GATA6: variants seen among roughly 807,000 people sequenced by gnomAD.
GATA6 encodes GATA binding protein 6.
GATA6 carries 11 observed loss-of-function variants against 48.1 expected under a neutral mutation model. The ratio of observed to expected loss-of-function variants is 0.23; its 90% CI spans 0.14 to 0.38. The LOEUF (loss-of-function observed/expected upper bound fraction) is 0.38, where lower values mean the gene tolerates loss of function less well. GATA6 is among the 10% of genes least tolerant of loss of function. The pLI, the probability that GATA6 is intolerant of heterozygous loss-of-function variation, is 1.00. For synonymous variants in GATA6, 419 were observed against 396.1 expected (o/e 1.06, Z -0.69); for missense variants, 795 against 850.3 (o/e 0.93, Z 0.81).
chr18:22,174,567 T>C (rs1175317351), intron 2 of GATA6, among the ~76,000 whole-genome samples: 1 of 152,114 alleles, frequency 6.6e-6, no homozygotes, highest in African/African-American at 2.4e-5. Context: ...GGGAAGGGAT[T>C]TGGGAACACC....
At chr18:22,198,508 C>A (rs574969523) in intron 6 of GATA6, among the ~76,000 whole-genome samples, 1 of 152,260 alleles carries the variant, frequency 6.6e-6, no homozygotes, top group African/African-American at 2.4e-5. Flanking sequence ...ACACTTGTTG[C>A]GGTGAAGTCA....
intron 6 of GATA6, among the ~76,000 whole-genome samples, chr18:22,186,965 T>C (rs2033269445): frequency 6.6e-6 from 1 of 152,236 alleles, no homozygotes; most frequent in Non-Finnish European, 1.5e-5. Context: ...AGTGTGTTTC[T>C]GTCTGAAATC....
At chr18:22,199,669 C>A (rs1209830516) in intron 6 of GATA6, among the ~76,000 whole-genome samples, 1 of 152,006 alleles carries the variant, frequency 6.6e-6, no homozygotes, top group Non-Finnish European at 1.5e-5. Flanking sequence ...CTGGGAGGCC[C>A]AGGCAAGCAG....
intron 3 of GATA6, among the ~76,000 whole-genome samples, chr18:22,180,786 A>C (rs1348510088): frequency 6.6e-6 from 1 of 151,906 alleles, no homozygotes; most frequent in African/African-American, 2.4e-5. Context: ...TTACTCCTTT[A>C]CATATATCTG....
chr18:22,175,911 C>T (rs75527379), intron 2 of GATA6, among the ~76,000 whole-genome samples: 3,576 of 152,222 alleles, frequency 0.023, 62 homozygotes, highest in Non-Finnish European at 0.035. Flanking sequence ...ATCTAAAGAA[C>T]CTTAAATGGC....
intron 3 of GATA6, among the ~76,000 whole-genome samples, chr18:22,177,732 AC>A (rs2143291389): frequency 6.6e-6 from 1 of 152,208 alleles, no homozygotes; most frequent in South Asian, 2.1e-4. Context: ...GGTGCCGTTT[AC>A]TTTGTCCTTT....
In GATA6 at chr18:22,171,479, T is replaced by G; in HGVS notation, c.335T>G (p.Leu112Trp). The change falls in exon 2 of 7, where the codon TTG becomes TGG. Residue 112 changes from leucine (L) to tryptophan (W), a missense_variant. Around this residue, in one of 5 missense-constraint regions of GATA6, gnomAD observed 591 missense variants for 570.0 expected, o/e 1.04. Coordinates refer to ENST00000269216, the MANE Select transcript of GATA6 (RefSeq NM_005257.6). The surrounding 1 kb of genome is among the most constrained non-coding windows in gnomAD (Gnocchi z 7.1). Reference sequence around the variant, plus strand: ...GGCAACCTGTCGAGCTGGGAGGACTTGCTGCTGTTCACTGACCTCGACCAA... The same window carrying G: ...GGCAACCTGTCGAGCTGGGAGGACTGGCTGCTGTTCACTGACCTCGACCAA... ...PGGNLSSWED[L>W]LLFTDLDQAA... 3.1e-6 allele frequency: 5 copies of G among 1,601,112 alleles called. No individual in the cohort carries two copies. Among genetic ancestry groups the G allele is most frequent in the Non-Finnish European group, 3.4e-6 (4 of 1,179,518 alleles).
At chr18:22,188,452 G>A (rs552447099) in intron 6 of GATA6, among the ~76,000 whole-genome samples, 20 of 152,316 alleles carry the variant, frequency 1.3e-4, no homozygotes, top group African/African-American at 4.6e-4. Flanking sequence ...AGGTATCCAG[G>A]AAAGAAGAAG....
chr18:22,177,083 G>T lies in GATA6; in HGVS notation c.1264G>T (p.Gly422Cys). The change falls in exon 3 of 7, where the codon GGC becomes TGC. Residue 422 changes from glycine to cysteine, a missense_variant. This residue lies in a region of GATA6 where 76 missense variants were observed against 113.1 expected (regional missense o/e 0.67). Transcript: ENST00000269216. ...NACGLYSKMN[G>C]LSRPLIKPQK... ...CTGCGGGCTCTACAGCAAGATGAAC[G>T]GCCTCAGCCGGCCCCTCATCAAGCC... 6.4e-7 allele frequency: 1 copy of T among 1,559,072 alleles called. No homozygotes were observed. Among genetic ancestry groups the T allele is most frequent in the Non-Finnish European group, 8.7e-7 (1 of 1,153,836 alleles).
intron 6 of GATA6, among the ~76,000 whole-genome samples, chr18:22,186,203 A>G (rs1348481400): frequency 6.6e-6 from 1 of 152,134 alleles, no homozygotes; most frequent in African/African-American, 2.4e-5. Context: ...GACTGGTAGA[A>G]ATTAGTAGTG....
chr18:22,196,194 C>T (rs2143334584), intron 6 of GATA6, among the ~76,000 whole-genome samples: 1 of 152,166 alleles, frequency 6.6e-6, no homozygotes, highest in African/African-American at 2.4e-5. Context: ...AAATACTTGC[C>T]CCATTTTTTT....
chr18:22,197,213 G>T (rs1408438406), intron 6 of GATA6, among the ~76,000 whole-genome samples: 1 of 151,492 alleles, frequency 6.6e-6, no homozygotes, highest in African/African-American at 2.4e-5. Context: ...CACCTTGCTC[G>T]GCTAATTTTT....
At chr18:22,194,175 G>T (rs961850896) in intron 6 of GATA6, among the ~76,000 whole-genome samples, 2 of 152,148 alleles carry the variant, frequency 1.3e-5, no homozygotes, top group African/African-American at 2.4e-5. Flanking sequence ...AGCTCTCCCT[G>T]AAGTCATTTA....
intron 2 of GATA6, chr18:22,175,526 A>T (rs1263844837): frequency 6.6e-6 from 1 of 152,212 alleles, no homozygotes; most frequent in Non-Finnish European, 1.5e-5. Flanking sequence ...CGTAGTCAAT[A>T]GTGGCTTTTA....
intron 6 of GATA6, 23 bp from the exon 7 acceptor site, chr18:22,200,631 CCT>C (rs748939410): frequency 4.3e-6 from 7 of 1,614,092 alleles, no homozygotes; most frequent in Non-Finnish European, 5.9e-6. Context: ...TCTCGTCTCT[CCT>C]CTGTGTCCCC....
At position 22,185,263 on chromosome 18, in the gene GATA6, G is replaced by A. The variant is rs1039224323; in HGVS notation, c.1620+2220G>A. On this transcript the variant is annotated intron_variant, in intron 6 of 6. Coordinates refer to ENST00000269216, the MANE Select transcript of GATA6 (RefSeq NM_005257.6). This position sits in a 1 kb window ranked among gnomAD's most constrained non-coding sequence, Gnocchi z 4.3. ...AGATGGAGGTGGCTTGCTGGTCAAT[G>A]CCCTTCAGAGGAAAGATCAGTTCCC... is the stretch of plus-strand genomic sequence containing the variant. Among the ~76,000 whole-genome samples, 2 of 152,202 alleles carry A rather than the reference G, an allele frequency of 1.3e-5. No homozygotes were observed. The highest frequency in any genetic ancestry group is 4.8e-5 in the African/African-American group (2 of 41,454).
intron 3 of GATA6, among the ~76,000 whole-genome samples, chr18:22,180,373 C>T (rs2033177516): frequency 6.6e-6 from 1 of 152,164 alleles, no homozygotes; most frequent in Non-Finnish European, 1.5e-5. Flanking sequence ...ATGTAGTAAT[C>T]TAGAGGTAAT....
rs1237721986 is a variant in GATA6, at chr18:22,202,214, G to T, written c.*1391G>T. 6.6e-6 allele frequency: 1 copy of T among 152,122 alleles called. No homozygotes were observed. Among genetic ancestry groups the T allele is most frequent in the Non-Finnish European group, 1.5e-5 (1 of 68,026 alleles). 9.4% of individuals were successfully genotyped at this position (152,122 alleles called of 1,614,324 possible). ...GGGGACAGTTTTTATAAGTGGGAAGGACTCAGTATTATTATATTTGAGATG... is the reference window on the plus strand; with the variant it reads ...GGGGACAGTTTTTATAAGTGGGAAGTACTCAGTATTATTATATTTGAGATG... On this transcript the variant is annotated 3_prime_UTR_variant, in exon 7 of 7. Transcript: ENST00000269216.
At position 22,172,415 on chromosome 18, in the gene GATA6, G is replaced by C; in HGVS notation, c.1135+136G>C. 7.0e-7 allele frequency: 1 copy of C among 1,425,848 alleles called. No individual in the cohort carries two copies. The highest frequency in any genetic ancestry group is 9.2e-7 in the Non-Finnish European group (1 of 1,084,276). 88.3% of individuals were successfully genotyped at this position (1,425,848 alleles called of 1,614,324 possible). Reference sequence around the variant, plus strand: ...TGCGCGGAGGTCGGCCTGGTCCCAGGAAGGATTTGCAGGCCTGTGGCTGGG... The same window carrying C: ...TGCGCGGAGGTCGGCCTGGTCCCAGCAAGGATTTGCAGGCCTGTGGCTGGG... On this transcript the variant is annotated intron_variant, in intron 2 of 6. Transcript: ENST00000269216. This position sits in a 1 kb window ranked among gnomAD's most constrained non-coding sequence, Gnocchi z 5.2.
Sources: gnomAD v4.1 joint callset for allele counts (sites outside exome capture counted in the v4.1 genomes callset) on GRCh38, gnomAD v4.1.1 for gene constraint, gnomAD v4.1.1 regional missense constraint, Gnocchi (gnomAD v3.1) non-coding constraint, MANE v1.5 for transcripts, NCBI Gene and HGNC (gene_info 2026-07-23, HGNC 2026-07-21) for gene names.